The following ABCA10 variants were observed in gnomAD, a reference collection of about 807,000 sequenced individuals.
ABCA10 encodes ATP-binding cassette sub-family A member 10.
In ABCA10, 169 loss-of-function variants were observed where a neutral mutation model predicts 187.5. The ratio of observed to expected loss-of-function variants is 0.90; its 90% CI spans 0.80 to 1.02. The LOEUF (loss-of-function observed/expected upper bound fraction) is 1.02. Ranked by LOEUF, ABCA10 falls within the 50% of genes least tolerant of loss-of-function variation. ABCA10 has a pLI of 0.00. For synonymous variants in ABCA10, 574 were observed against 601.8 expected (o/e 0.95, Z 0.68); for missense variants, 1,727 against 1,812.4 (o/e 0.95, Z 0.86).
At position 69,155,796 on chromosome 17, in the gene ABCA10, G is replaced by C. The variant is rs372733997; in HGVS notation, c.3576+9C>G. The C allele has an allele frequency of 5.7e-5, 92 of 1,613,238 alleles. 1 individual carries two copies. In the South Asian group the frequency reaches 7.8e-4, roughly 14 times the overall value. On this transcript the variant is annotated intron_variant, in intron 29 of 38. Transcript: ENST00000690296. ...GCATTTTATTAAGGGTCTAATCCCT[G>C]CTGTTCACCTCCTCCAAGTTTGGAG...
intron 11 of ABCA10, among the ~76,000 whole-genome samples, chr17:69,195,780 T>G (rs2074495581): frequency 6.6e-6 from 1 of 151,906 alleles, no homozygotes; most frequent in Admixed American, 6.6e-5. Flanking sequence ...GCATGCTGCC[T>G]TCAAGCATCT....
Position 69,219,852 on chromosome 17 carries a change from T to A in ABCA10, c.304-81A>T, listed in dbSNP as rs77873035. 597 of 1,016,464 alleles carry A rather than the reference T, an allele frequency of 5.9e-4. 4 individuals carry two copies. The African/African-American group carries it at 8.7e-3, about 15-fold the overall frequency. The allele number at this position is 1,016,464 out of a possible 1,614,324, so 63.0% of individuals were successfully genotyped here. A position where few individuals can be genotyped will look rare whatever the true frequency, so the allele number is the denominator to read the frequency against. On this transcript the variant is annotated intron_variant, in intron 5 of 38. Coordinates refer to ENST00000690296, the MANE Select transcript of ABCA10 (RefSeq NM_001377321.1). ...AAACTATACACTTTTTATTTTCGAT[T>A]TCAATATTTACATATTCTCATCATT...
Position 69,191,303 on chromosome 17 carries a change from A to G in ABCA10, c.1884T>C (p.Asn628=). The part of the protein sequence containing the change: ...GIGYHLSLHR[N]EMCDTEKITS... Reference sequence around the variant, plus strand: ...TGATTTTTTCTGTGTCACACATTTCATTCCTGTGTAAACTATTATTTCAAA... The same window carrying G: ...TGATTTTTTCTGTGTCACACATTTCGTTCCTGTGTAAACTATTATTTCAAA... Residue 628 remains asparagine (N), a synonymous_variant, in exon 17 of 39, where the codon AAT becomes AAC. Coordinates refer to ENST00000690296, the MANE Select transcript of ABCA10 (RefSeq NM_001377321.1). 1 of 1,566,470 alleles carries G rather than the reference A, an allele frequency of 6.4e-7. No homozygotes were observed. Among genetic ancestry groups the G allele is most frequent in the Non-Finnish European group, 8.7e-7 (1 of 1,152,816 alleles).
At chr17:69,196,054 G>C (rs755171283) in intron 11 of ABCA10, among the ~76,000 whole-genome samples, 1 of 152,194 alleles carries the variant, frequency 6.6e-6, no homozygotes, top group Non-Finnish European at 1.5e-5. Flanking sequence ...ATCATGGCCC[G>C]TTCTCAATGA....
In ABCA10 at chr17:69,149,071, G is replaced by C. The variant is rs772477692; in HGVS notation, c.4495C>G (p.Leu1499Val). 5.4e-5 allele frequency: 87 copies of C among 1,613,850 alleles called. No homozygotes were observed. The highest frequency in any genetic ancestry group is 7.1e-5 in the Non-Finnish European group (84 of 1,179,888). Residue 1499 changes from leucine to valine, a missense_variant, in exon 38 of 39, where the codon CTG (leucine) becomes GTG (valine). Physicochemically the swap from Leu to Val is conservative, Grantham distance 32. Transcript: ENST00000690296. ...KLEAMKQTFNLEEYSLSQATL... is the reference protein window; with the variant it reads ...KLEAMKQTFNVEEYSLSQATL... ...GCCTGAGAGAGGCTGTATTCCTCCA[G>C]GTTGAAGGTCTGTTTCACTGCATGT...
In ABCA10 at chr17:69,182,821, A is replaced by C. The variant is rs1352156729; in HGVS notation, c.2498-13T>G. ...TCAATATTTGATCCTAACATAGTGGAAGGAAGGCAACAAGAAAAAAAAAAA... is the reference window on the plus strand; with the variant it reads ...TCAATATTTGATCCTAACATAGTGGCAGGAAGGCAACAAGAAAAAAAAAAA... On this transcript the variant is annotated splice_polypyrimidine_tract_variant and intron_variant, in intron 20 of 38. Coordinates refer to ENST00000690296, the MANE Select transcript of ABCA10 (RefSeq NM_001377321.1). The C allele has an allele frequency of 6.6e-7, 1 of 1,507,850 alleles. No homozygotes were observed. The highest frequency in any genetic ancestry group is 8.8e-7 in the Non-Finnish European group (1 of 1,135,418). The allele number at this position is 1,507,850 out of a possible 1,614,324, so 93.4% of individuals were successfully genotyped here. A position where few individuals can be genotyped will look rare whatever the true frequency, so the allele number is the denominator to read the frequency against.
intron 9 of ABCA10, among the ~76,000 whole-genome samples, chr17:69,208,139 C>T (rs1165319489): frequency 6.6e-6 from 1 of 151,888 alleles, no homozygotes; most frequent in Non-Finnish European, 1.5e-5. Flanking sequence ...ATTAGGAGGC[C>T]AGGCGCGGTG....
chr17:69,236,534 A>G (rs2074872620), intron 1 of ABCA10, among the ~76,000 whole-genome samples: 1 of 152,214 alleles, frequency 6.6e-6, no homozygotes, highest in East Asian at 1.9e-4. Flanking sequence ...TACTACCTCA[A>G]TCTGAGTGAA....
At chr17:69,221,071 A>C (rs1252132303) in intron 5 of ABCA10, among the ~76,000 whole-genome samples, 1 of 152,212 alleles carries the variant, frequency 6.6e-6, no homozygotes, top group East Asian at 1.9e-4. Flanking sequence ...GATGCCTGAG[A>C]TAGAACTTTG....
chr17:69,211,539 G>A (rs974460408), intron 9 of ABCA10, among the ~76,000 whole-genome samples: 1 of 151,478 alleles, frequency 6.6e-6, no homozygotes, highest in African/African-American at 2.4e-5. Flanking sequence ...TTTTGAAATA[G>A]TGTCAATAGG....
At position 69,153,482 on chromosome 17, in the gene ABCA10, T is replaced by C; in HGVS notation, c.4030A>G (p.Ile1344Val). Residue 1344 changes from isoleucine to valine, a missense_variant, in exon 33 of 39, where the codon ATA (isoleucine) becomes GTA (valine). Coordinates refer to ENST00000690296, the MANE Select transcript of ABCA10 (RefSeq NM_001377321.1). ...KAPVKTLSEG[I>V]KRKLCFVLSI... ...AGCCTGGCCCATACCTTTCTCTTTA[T>C]TCCCTCTGATAGAGTTTTCACAGGA... The C allele has an allele frequency of 6.2e-7, 1 of 1,614,152 alleles. No individual in the cohort carries two copies. The highest frequency in any genetic ancestry group is 1.1e-5 in the South Asian group (1 of 91,084).
intron 25 of ABCA10, among the ~76,000 whole-genome samples, chr17:69,167,956 T>C (rs180726583): frequency 6.6e-6 from 1 of 152,246 alleles, no homozygotes; most frequent in Non-Finnish European, 1.5e-5. Context: ...CTCTTTCACC[T>C]CTGACACCCC....
chr17:69,170,536 C>T (rs1427454391), intron 25 of ABCA10, among the ~76,000 whole-genome samples: 1 of 151,850 alleles, frequency 6.6e-6, no homozygotes, highest in African/African-American at 2.4e-5. Context: ...TAAACACTTC[C>T]TGTTTCTGCT....
intron 10 of ABCA10, among the ~76,000 whole-genome samples, chr17:69,201,201 T>C (rs922895826): frequency 1.3e-5 from 2 of 152,164 alleles, no homozygotes; most frequent in African/African-American, 4.8e-5. Flanking sequence ...TATGTATACA[T>C]ATACATAACA....
upstream of ABCA10, among the ~76,000 whole-genome samples, chr17:69,231,214 T>C: frequency 6.6e-6 from 1 of 152,180 alleles, no homozygotes; most frequent in Non-Finnish European, 1.5e-5. Flanking sequence ...GATACGTAAC[T>C]CTAATATCTG....
At chr17:69,218,543 A>G (rs1282864176) in intron 6 of ABCA10, among the ~76,000 whole-genome samples, 1 of 152,068 alleles carries the variant, frequency 6.6e-6, no homozygotes. Flanking sequence ...TTAAATATTT[A>G]TTACTATAAT....
At chr17:69,215,421 A>C (rs962895648) in intron 8 of ABCA10, 5 of 166,112 alleles carry the variant, frequency 3.0e-5, no homozygotes, top group African/African-American at 1.2e-4. Flanking sequence ...ATTCTGCAGA[A>C]GACAGGCTAA....
In ABCA10 at chr17:69,216,376, T is replaced by C. The variant is rs781094605; in HGVS notation, c.531-18A>G. The C allele has an allele frequency of 1.6e-5, 25 of 1,598,746 alleles. No homozygotes were observed. Among genetic ancestry groups the C allele is most frequent in the Non-Finnish European group, 2.0e-5 (23 of 1,173,592 alleles). On this transcript the variant is annotated intron_variant, in intron 6 of 38. Transcript: ENST00000690296. ...AGGAGAGCCTATAGTAGAAACAAGG[T>C]GTTAGTTCAACTGTCACAAACATAA... is the stretch of plus-strand genomic sequence containing the variant.
At chr17:69,210,207 G>C in intron 9 of ABCA10, among the ~76,000 whole-genome samples, 1 of 109,786 alleles carries the variant, frequency 9.1e-6, no homozygotes, top group African/African-American at 5.3e-5. Flanking sequence ...TTTTGAGACG[G>C]AGTCTCGCTC....
Sources: allele counts gnomAD v4.1 joint callset (sites outside exome capture counted in the v4.1 genomes callset), GRCh38; gene constraint gnomAD v4.1.1; transcripts MANE v1.5; gene names NCBI Gene and HGNC (gene_info 2026-07-23, HGNC 2026-07-21).